SGCB: variants seen among roughly 807,000 people sequenced by gnomAD.
SGCB encodes beta-sarcoglycan.
SGCB carries 25 observed loss-of-function variants against 27.3 expected under a neutral mutation model. That is an observed-to-expected ratio of 0.92 (90% CI 0.67 to 1.28). The LOEUF is 1.28. SGCB is among the 50% of genes most tolerant of loss of function. The pLI is 0.00. For missense variants in SGCB, 436 were observed against 402.1 expected (o/e 1.08, Z -0.72); for synonymous variants, 147 against 133.5 (o/e 1.10, Z -0.70).
chr4:52,032,047 C>G (rs1472353901), intron 2 of SGCB: 7 of 440,136 alleles, frequency 1.6e-5, no homozygotes, highest in Non-Finnish European at 2.7e-5. Context: ...AAACCCAACC[C>G]CTACCCTCCA....
chr4:52,032,091 A>T, intron 2 of SGCB: 1 of 385,348 alleles, frequency 2.6e-6, no homozygotes, highest in Non-Finnish European at 5.1e-6. Flanking sequence ...TCTCTGGTCC[A>T]GTGTGTCCAG....
intron 5 of SGCB, among the ~76,000 whole-genome samples, chr4:52,027,042 G>C (rs1474199482): frequency 6.6e-6 from 1 of 152,048 alleles, no homozygotes; most frequent in East Asian, 1.9e-4. Context: ...TGTGTTCTGG[G>C]GGAAAAACTG....
rs1736977943 is a variant in SGCB at position 52,022,446 on chromosome 4, G to T, written c.*1511C>A. The T allele has an allele frequency of 6.6e-6, 1 of 152,194 alleles. No homozygotes were observed. Among genetic ancestry groups the T allele is most frequent in the South Asian group, 2.1e-4 (1 of 4,832 alleles). The allele number at this position is 152,194 out of a possible 1,614,324, so 9.4% of individuals were successfully genotyped here. A position where few individuals can be genotyped will look rare whatever the true frequency, so the allele number is the denominator to read the frequency against. ...AAACTCCTTTGGGGGCCCTGTCCCT[G>T]ATTCTGTGTGAGTCTTAATAATACC... On this transcript the variant is annotated 3_prime_UTR_variant, in exon 6 of 6. Coordinates refer to ENST00000381431, the MANE Select transcript of SGCB (RefSeq NM_000232.5).
At chr4:52,028,256 A>T in intron 4 of SGCB, among the ~76,000 whole-genome samples, 157 bp from the exon 5 acceptor site, 1 of 152,268 alleles carries the variant, frequency 6.6e-6, no homozygotes, top group Non-Finnish European at 1.5e-5. Flanking sequence ...AGATGACTTG[A>T]TAATGATCAC....
chr4:52,035,696 C>G (rs991849398), intron 1 of SGCB, among the ~76,000 whole-genome samples: 4 of 152,010 alleles, frequency 2.6e-5, no homozygotes, highest in Admixed American at 6.5e-5. Context: ...TTAAGAGGAC[C>G]TAAACTAAAG....
chr4:52,038,098 CG>C, intron 1 of SGCB, 128 bp downstream of exon 1: 1 of 193,912 alleles, frequency 5.2e-6, no homozygotes, highest in Non-Finnish European at 9.0e-6. Context: ...CCGCCCCGAT[CG>C]GCCCCGCCGA....
Position 52,023,933 on chromosome 4 carries a change from AT to A in SGCB, c.*23del. ...AAAAAAGTCAAGTCAAGATATAAAC[AT>A]GTTGGTGACCTCTGGGGTTCTTTTA... On this transcript the variant is annotated 3_prime_UTR_variant, in exon 6 of 6. Transcript: ENST00000381431. 6.3e-7 allele frequency: 1 copy of A among 1,594,514 alleles called. No homozygotes were observed. The highest frequency in any genetic ancestry group is 8.6e-7 in the Non-Finnish European group (1 of 1,162,306).
In SGCB at chr4:52,026,517, A is replaced by G. The variant is rs917897163; in HGVS notation, c.753+1451T>C. On this transcript the variant is annotated intron_variant, in intron 5 of 5. Transcript: ENST00000381431. Reference sequence around the variant, plus strand: ...TGTGATCCACCCGCCTTGGCTTCCTAAAGTGCTGAGATTACAGGCGTAAGT... The same window carrying G: ...TGTGATCCACCCGCCTTGGCTTCCTGAAGTGCTGAGATTACAGGCGTAAGT... Among the ~76,000 whole-genome samples, 26 of 152,028 alleles carry G rather than the reference A, an allele frequency of 1.7e-4. 1 individual carries two copies. Among genetic ancestry groups the G allele is most frequent in the Admixed American group, 6.6e-5 (1 of 15,266 alleles).
At chr4:52,027,314 G>C (rs189923918) in intron 5 of SGCB, among the ~76,000 whole-genome samples, 1 of 151,888 alleles carries the variant, frequency 6.6e-6, no homozygotes, top group Non-Finnish European at 1.5e-5. Flanking sequence ...TACCATACCT[G>C]TTAAAGTTCA....
Position 52,023,947 on chromosome 4 carries a change from T to A in SGCB, c.*10A>T. On this transcript the variant is annotated 3_prime_UTR_variant, in exon 6 of 6. Coordinates refer to ENST00000381431, the MANE Select transcript of SGCB (RefSeq NM_000232.5). ...AAGATATAAACATGTTGGTGACCTC[T>A]GGGGTTCTTTTAATGAGTGTTTCCA... is the stretch of plus-strand genomic sequence containing the variant. 1 of 1,612,002 alleles carries A rather than the reference T, an allele frequency of 6.2e-7. No homozygotes were observed. The highest frequency in any genetic ancestry group is 8.5e-7 in the Non-Finnish European group (1 of 1,178,112).
rs1287754420 is a variant in SGCB at position 52,023,228 on chromosome 4, T to C, written c.*729A>G. 3 of 152,172 alleles carry C rather than the reference T, an allele frequency of 2.0e-5. No individual in the cohort carries two copies. Among genetic ancestry groups the C allele is most frequent in the Non-Finnish European group, 2.9e-5 (2 of 68,042 alleles). 9.4% of individuals were successfully genotyped at this position (152,172 alleles called of 1,614,324 possible). A position where few individuals can be genotyped will look rare whatever the true frequency, so the allele number is the denominator to read the frequency against. ...CCTACTTGCAGGGTTGTGGTGAGAA[T>C]TGGGGATATAAACATGCAATGCCTA... is the stretch of plus-strand genomic sequence containing the variant. On this transcript the variant is annotated 3_prime_UTR_variant, in exon 6 of 6. Coordinates refer to ENST00000381431, the MANE Select transcript of SGCB (RefSeq NM_000232.5).
At chr4:52,034,486 G>A (rs1434945375) in intron 1 of SGCB, among the ~76,000 whole-genome samples, 3 of 148,402 alleles carry the variant, frequency 2.0e-5, no homozygotes, top group African/African-American at 7.5e-5. Context: ...GTTCAGTGTT[G>A]TAAGTAATCT....
chr4:52,038,204 C>G (rs904802057), intron 1 of SGCB, 23 bp downstream of exon 1: 1 of 1,233,372 alleles, frequency 8.1e-7, no homozygotes, highest in Non-Finnish European at 1.0e-6. Flanking sequence ...CTCCAGCCCG[C>G]GGCCGCGGCG....
chr4:52,033,447 G>T lies in SGCB; in HGVS notation c.227C>A (p.Ala76Asp), dbSNP rs562380026. ...ICVIILLFILAVINLIITLVI... is the reference protein window; with the variant it reads ...ICVIILLFILDVINLIITLVI... ...AATACTCACTATTAAATTGATGACA[G>T]CCAGGATAAACAAGAGGATAATCAC... The change falls in exon 2 of 6, where the codon GCT (alanine) becomes GAT (aspartate). Residue 76 changes from alanine to aspartate, a missense_variant. By Grantham distance (126) the Ala-to-Asp change is moderately radical (BLOSUM62 -2). Transcript: ENST00000381431. 5.0e-6 allele frequency: 8 copies of T among 1,610,676 alleles called. No homozygotes were observed. The highest frequency in any genetic ancestry group is 6.8e-6 in the Non-Finnish European group (8 of 1,177,028).
rs1406327385 is a variant in SGCB at position 52,021,714 on chromosome 4, G to A, written c.*2243C>T. 1 of 152,122 alleles carries A rather than the reference G, an allele frequency of 6.6e-6. No individual in the cohort carries two copies. The highest frequency in any genetic ancestry group is 1.5e-5 in the Non-Finnish European group (1 of 68,020). The allele number at this position is 152,122 out of a possible 1,614,324, so 9.4% of individuals were successfully genotyped here. On this transcript the variant is annotated 3_prime_UTR_variant, in exon 6 of 6. Coordinates refer to ENST00000381431, the MANE Select transcript of SGCB (RefSeq NM_000232.5). ...TTAGAAAAGCCATAAGTAAAATGGA[G>A]AGTTTGCCCTGTTCTGCTTTCTAAT...
At chr4:52,028,147 G>A in intron 4 of SGCB, 48 bp from the exon 5 acceptor site, 2 of 1,440,606 alleles carry the variant, frequency 1.4e-6, no homozygotes, top group East Asian at 2.3e-5. Context: ...AAATTAATGT[G>A]AGAATTGTTA....
At chr4:52,037,737 G>A (rs1737433271) in intron 1 of SGCB, among the ~76,000 whole-genome samples, 1 of 152,196 alleles carries the variant, frequency 6.6e-6, no homozygotes, top group Admixed American at 6.5e-5. Context: ...ACCAAAGCGT[G>A]AGGGGAAATC....
At chr4:52,030,466 C>T (rs1322226836) in intron 2 of SGCB, among the ~76,000 whole-genome samples, 1 of 152,116 alleles carries the variant, frequency 6.6e-6, no homozygotes, top group Non-Finnish European at 1.5e-5. Context: ...AGTTTCTTTC[C>T]TGTACCTTGT....
rs1553940957 is a variant in SGCB at position 52,038,226 on chromosome 4, C to G, written c.33+1G>C. ...CCGCGGCCGCGGCGGTACTCACAGA[C>G]CTGTTCTGCAGCCGCCGCCGCCGCT... On this transcript the variant is annotated splice_donor_variant, in intron 1 of 5. Coordinates refer to ENST00000381431, the MANE Select transcript of SGCB (RefSeq NM_000232.5). LOFTEE classifies it high-confidence loss of function. 1.6e-6 allele frequency: 2 copies of G among 1,277,968 alleles called. No homozygotes were observed. The highest frequency in any genetic ancestry group is 2.0e-6 in the Non-Finnish European group (2 of 1,009,282). The allele number at this position is 1,277,968 out of a possible 1,614,324, so 79.2% of individuals were successfully genotyped here. A position where few individuals can be genotyped will look rare whatever the true frequency, so the allele number is the denominator to read the frequency against.
Sources: allele counts gnomAD v4.1 joint callset (sites outside exome capture counted in the v4.1 genomes callset), GRCh38; gene constraint gnomAD v4.1.1; transcripts MANE v1.5; gene names NCBI Gene and HGNC (gene_info 2026-07-23, HGNC 2026-07-21).